KRT8: variants seen among roughly 807,000 people sequenced by gnomAD.
KRT8 encodes keratin, type II cytoskeletal 8.
KRT8 carries 24 observed loss-of-function variants against 43.0 expected under a neutral mutation model. The observed-to-expected ratio is 0.56, with a 90% CI of 0.40 to 0.78. The LOEUF (loss-of-function observed/expected upper bound fraction) is 0.78. Ranked by LOEUF, KRT8 falls within the 30% of genes least tolerant of loss-of-function variation. The pLI is 0.00. For synonymous variants in KRT8, 214 were observed against 261.2 expected (o/e 0.82, Z 1.74); for missense variants, 492 against 638.4 (o/e 0.77, Z 2.47).
chr12:52,940,571 C>T (rs540100561), intron 2 of KRT8, among the ~76,000 whole-genome samples: 43 of 149,792 alleles, frequency 2.9e-4, no homozygotes, highest in Non-Finnish European at 1.5e-4. Flanking sequence ...CTGGGGGTGT[C>T]GGGGAGGAGG....
intron 2 of KRT8, among the ~76,000 whole-genome samples, chr12:52,913,791 C>A (rs548184362): frequency 6.6e-6 from 1 of 152,242 alleles, no homozygotes; most frequent in Admixed American, 6.5e-5. Flanking sequence ...CACCTTCCTA[C>A]GAACGTCACA....
chr12:52,944,179 T>A (rs1942309486), intron 2 of KRT8, among the ~76,000 whole-genome samples: 1 of 152,176 alleles, frequency 6.6e-6, no homozygotes. Flanking sequence ...ATTTTTCTCA[T>A]TCTACAGCTG....
intron 5 of KRT8, 104 bp downstream of exon 5, chr12:52,899,671 C>T: frequency 9.6e-7 from 1 of 1,039,918 alleles, no homozygotes; most frequent in East Asian, 2.5e-5. Flanking sequence ...GAACCCTGGT[C>T]TAGGATTCCT....
intron 2 of KRT8, among the ~76,000 whole-genome samples, chr12:52,930,076 C>T (rs1341575332): frequency 1.3e-5 from 2 of 152,184 alleles, no homozygotes; most frequent in Non-Finnish European, 2.9e-5. Context: ...CACAGGATTG[C>T]TATGTTAAAT....
chr12:52,949,698 G>A (rs762891327), intron 1 of KRT8: 1 of 1,032,126 alleles, frequency 9.7e-7, no homozygotes, highest in Non-Finnish European at 1.5e-6. Context: ...ACTCCACCGG[G>A]AGGGGGTTGG....
intron 2 of KRT8, among the ~76,000 whole-genome samples, chr12:52,931,289 A>G (rs1231342347): frequency 6.6e-6 from 1 of 151,716 alleles, no homozygotes; most frequent in African/African-American, 2.4e-5. Context: ...GGATGGTCTC[A>G]ATCTCCTGAC....
intron 2 of KRT8, among the ~76,000 whole-genome samples, chr12:52,922,184 TAAAAAAAAAAAAAAAAAAAAAA>T (rs57023136): frequency 5.2e-5 from 2 of 38,674 alleles, no homozygotes; most frequent in South Asian, 1.3e-3. Context: ...ACCCTGTCTC[TAAAAAAAAAAAAAAAAAAAAAA>T]AAAAAAAAAA....
At chr12:52,900,779 T>A in intron 3 of KRT8, 96 bp from the exon 4 acceptor site, 1 of 821,758 alleles carries the variant, frequency 1.2e-6, no homozygotes, top group Non-Finnish European at 2.1e-6. Context: ...GTCACAGGAC[T>A]TTCTAGTTGC....
At chr12:52,932,083 T>C (rs535692000) in intron 2 of KRT8, among the ~76,000 whole-genome samples, 21 of 151,238 alleles carry the variant, frequency 1.4e-4, no homozygotes, top group African/African-American at 4.9e-4. Context: ...AGGCACCTGG[T>C]AAATCATTCT....
Position 52,899,759 on chromosome 12 carries a change from C to G in KRT8, c.981+16G>C, listed in dbSNP as rs376098729. ...TGTGTCCAAGGAACCCCTCCCACCCCCAACCCGGCCCATACCTGGCCTTTG... is the reference window on the plus strand; with the variant it reads ...TGTGTCCAAGGAACCCCTCCCACCCGCAACCCGGCCCATACCTGGCCTTTG... On this transcript the variant is annotated intron_variant, in intron 5 of 7. Transcript: ENST00000692008. 7.5e-5 allele frequency: 121 copies of G among 1,610,438 alleles called. No individual in the cohort carries two copies. The highest frequency in any genetic ancestry group is 9.8e-5 in the Non-Finnish European group (115 of 1,178,660).
chr12:52,933,559 C>T (rs780261296), intron 2 of KRT8, among the ~76,000 whole-genome samples: 30 of 152,068 alleles, frequency 2.0e-4, no homozygotes, highest in Non-Finnish European at 3.8e-4. Flanking sequence ...ACTAACAAAC[C>T]GATTCTAATA....
intron 1 of KRT8, among the ~76,000 whole-genome samples, chr12:52,903,160 T>G (rs1941417239): frequency 6.6e-6 from 1 of 152,212 alleles, no homozygotes; most frequent in African/African-American, 2.4e-5. Flanking sequence ...AAAAAGTGAT[T>G]ATAACATCTT....
intron 1 of KRT8, among the ~76,000 whole-genome samples, chr12:52,903,130 C>T (rs7963560): frequency 0.36 from 55,377 of 152,032 alleles, 10,401 homozygotes; most frequent in Middle Eastern, 0.41. Flanking sequence ...GGTCATTCTG[C>T]CCCAAAATTA....
intron 2 of KRT8, among the ~76,000 whole-genome samples, chr12:52,942,201 A>G (rs1308489307): frequency 6.6e-6 from 1 of 152,128 alleles, no homozygotes; most frequent in Non-Finnish European, 1.5e-5. Context: ...GGCACACTTA[A>G]CAAGCACCTG....
At chr12:52,913,737 G>A (rs1412182027) in intron 2 of KRT8, among the ~76,000 whole-genome samples, 1 of 152,104 alleles carries the variant, frequency 6.6e-6, no homozygotes, top group Non-Finnish European at 1.5e-5. Context: ...CTCATCTCAG[G>A]CACAAGCATG....
chr12:52,901,161 T>A lies in KRT8; in HGVS notation c.592A>T (p.Lys198Ter). The change falls in exon 3 of 8, where the codon AAG becomes TAG. Residue 198 changes from lysine (K) to a stop codon, truncating the protein, a stop_gained and splice_region_variant. Transcript: ENST00000692008. LOFTEE classifies it high-confidence loss of function. ...TAGGAGAAGGGAGACTCCCTCACCT[T>A]CTTGATGAGGACAAATTCGTTCTCC... 6.2e-7 allele frequency: 1 copy of A among 1,605,526 alleles called. No homozygotes were observed. The highest frequency in any genetic ancestry group is 8.5e-7 in the Non-Finnish European group (1 of 1,172,284).
At chr12:52,924,108 C>T (rs536514139) in intron 2 of KRT8, among the ~76,000 whole-genome samples, 4 of 152,104 alleles carry the variant, frequency 2.6e-5, no homozygotes, top group South Asian at 2.1e-4. Context: ...CAGCATGAGC[C>T]GAGTTGTGAG....
chr12:52,924,815 G>A (rs1020226052), intron 2 of KRT8, among the ~76,000 whole-genome samples: 6 of 152,184 alleles, frequency 3.9e-5, no homozygotes, highest in Admixed American at 3.3e-4. Flanking sequence ...GGAGTGAAGT[G>A]GACCCTCAGC....
exon 8 of KRT8, chr12:52,897,555 C>T: frequency 6.3e-7 from 1 of 1,597,912 alleles, no homozygotes; most frequent in Non-Finnish European, 8.5e-7. Context: ...AGAGCCAAAG[C>T]TGGAGCCCAG....
Sources: gnomAD v4.1 joint callset for allele counts (sites outside exome capture counted in the v4.1 genomes callset) on GRCh38, gnomAD v4.1.1 for gene constraint, MANE v1.5 for transcripts, NCBI Gene and HGNC (gene_info 2026-07-23, HGNC 2026-07-21) for gene names.